The following SEPTIN4 variants were observed in gnomAD, a reference collection of about 807,000 sequenced individuals.
SEPTIN4 encodes the protein septin-4.
Under a neutral mutation model 107.1 loss-of-function variants are expected in SEPTIN4, and 52 were observed. The observed-to-expected ratio is 0.49, with a 90% CI of 0.39 to 0.61. The LOEUF is 0.61. SEPTIN4 is among the 20% of genes least tolerant of loss of function. SEPTIN4 has a pLI of 0.00. For missense variants in SEPTIN4, 1,048 were observed against 1,243.5 expected, an observed-to-expected ratio of 0.84 and a Z score of 2.36; for synonymous variants, 417 against 467.0, an observed-to-expected ratio of 0.89 and a Z score of 1.38.
At chr17:58,540,743 A>T in intron 2 of SEPTIN4, 70 bp from the exon 3 acceptor site, 1 of 1,293,422 alleles carries the variant, frequency 7.7e-7, no homozygotes, top group Non-Finnish European at 9.8e-7. Context: ...TGCCAATAGG[A>T]GGAGAAAAAG....
chr17:58,525,591 A>G, intron 6 of SEPTIN4, 104 bp downstream of exon 6: 1 of 1,000,870 alleles, frequency 1.0e-6, no homozygotes, highest in South Asian at 1.4e-5. Context: ...TCTCTCTAGG[A>G]GGCCATGGTT....
intron 3 of SEPTIN4, among the ~76,000 whole-genome samples, chr17:58,536,018 C>T (rs2043697902): frequency 6.6e-6 from 1 of 152,188 alleles, no homozygotes; most frequent in African/African-American, 2.4e-5. Flanking sequence ...ACAGATGTTA[C>T]TCTCACTAAA....
At chr17:58,529,466 T>C (rs2043271561) in intron 3 of SEPTIN4, 4 of 1,320,998 alleles carry the variant, frequency 3.0e-6, no homozygotes, top group African/African-American at 1.5e-5. Context: ...CCTCCTCTGA[T>C]TGGCTGTCCC....
chr17:58,539,039 G>T, intron 3 of SEPTIN4: 1 of 995,216 alleles, frequency 1.0e-6, no homozygotes, highest in Non-Finnish European at 1.4e-6. Context: ...CATGCCGGCT[G>T]AGGGACAGGC....
rs1448587313 is a variant in SEPTIN4 at position 58,525,220 on chromosome 17, G to A, written c.2093-19C>T. The A allele has an allele frequency of 6.2e-7, 1 of 1,612,518 alleles. No individual in the cohort carries two copies. Among genetic ancestry groups the A allele is most frequent in the Non-Finnish European group, 8.5e-7 (1 of 1,179,880 alleles). ...ATCCTCTCTGGAGAAAGGGGAAACT[G>A]AGGCCAGGGCAAGGGCAGGGACCTG... On this transcript the variant is annotated intron_variant, in intron 6 of 13. Transcript: ENST00000672673.
intron 3 of SEPTIN4, chr17:58,539,179 G>A: frequency 4.6e-6 from 7 of 1,534,392 alleles, no homozygotes; most frequent in Non-Finnish European, 6.1e-6. Flanking sequence ...CTTCTGGGGA[G>A]CAGCTCTGCT....
intron 4 of SEPTIN4, 25 bp from the exon 5 acceptor site, chr17:58,526,338 A>G (rs768534828): frequency 1.6e-5 from 24 of 1,517,152 alleles, no homozygotes; most frequent in Non-Finnish European, 1.9e-5. Flanking sequence ...GGCAGAATGC[A>G]TCACGGTGAG....
At chr17:58,542,257 G>T (rs1024804140) in intron 1 of SEPTIN4, among the ~76,000 whole-genome samples, 2 of 152,012 alleles carry the variant, frequency 1.3e-5, no homozygotes, top group African/African-American at 4.8e-5. Context: ...ATTTACCTGA[G>T]GCCCTTATTC....
chr17:58,524,860 T>C (rs1390125225), intron 7 of SEPTIN4: 1 of 578,090 alleles, frequency 1.7e-6, no homozygotes, highest in Non-Finnish European at 3.0e-6. Context: ...TATAGAATCA[T>C]AGGGCAGAAT....
At position 58,521,602 on chromosome 17, in the gene SEPTIN4, G is replaced by A; in HGVS notation, c.2514C>T (p.Phe838=). 6.2e-7 allele frequency: 1 copy of A among 1,614,210 alleles called. No individual in the cohort carries two copies. Among genetic ancestry groups the A allele is most frequent in the Non-Finnish European group, 8.5e-7 (1 of 1,180,038 alleles). ...IEHFGIKIYQ[F]PDCDSDEDED... is the part of the protein sequence containing the mutation. ...CATCCTCATCAGAGTCACAGTCTGG[G>A]AATTGATAGATCTTGATTCCAAAAT... Residue 838 remains phenylalanine (F), a synonymous_variant, in exon 10 of 14, where the codon TTC becomes TTT. Transcript: ENST00000672673. The surrounding 1 kb of genome is among the most constrained non-coding windows in gnomAD (Gnocchi z 6.4).
At chr17:58,539,051 G>T in intron 3 of SEPTIN4, 1 of 1,142,938 alleles carries the variant, frequency 8.7e-7, no homozygotes, top group South Asian at 1.5e-5. Flanking sequence ...GGGACAGGCC[G>T]GGGAGAGCCT....
chr17:58,539,338 C>T (rs1196249196), intron 3 of SEPTIN4: 2 of 549,074 alleles, frequency 3.6e-6, no homozygotes, highest in Non-Finnish European at 6.4e-6. Context: ...CAGGGAGGAG[C>T]CTGCTCAGTC....
rs774961665 is a variant in SEPTIN4, at chr17:58,543,982, G to C, written c.205C>G (p.Arg69Gly). 6.2e-7 allele frequency: 1 copy of C among 1,613,980 alleles called. No homozygotes were observed. Among genetic ancestry groups the C allele is most frequent in the South Asian group, 1.1e-5 (1 of 91,070 alleles). Residue 69 changes from arginine (R) to glycine (G), a missense_variant, in exon 1 of 14, where the codon CGA (arginine) becomes GGA (glycine). Around this residue, in one of 2 missense-constraint regions of SEPTIN4, gnomAD observed 787 missense variants for 871.8 expected, o/e 0.90. Transcript: ENST00000672673. Reference protein sequence around the residue: ...TTPHSASDYPRSVSLQSGPGH... With the variant: ...TTPHSASDYPGSVSLQSGPGH... ...GGTCCTGACTGGAGGGAGACAGATC[G>C]AGGGTAGTCTGATGCTGAATGGGGA...
chr17:58,522,145 C>A, intron 7 of SEPTIN4, 44 bp from the exon 8 acceptor site: 1 of 1,610,736 alleles, frequency 6.2e-7, no homozygotes, highest in Non-Finnish European at 8.5e-7. Context: ...AGAGTGGGAG[C>A]CACCTAGTGA....
chr17:58,532,105 G>T, intron 3 of SEPTIN4: 1 of 1,063,882 alleles, frequency 9.4e-7, no homozygotes. Flanking sequence ...CGGCGGCGGG[G>T]GCGGAGCGAG....
intron 4 of SEPTIN4, 123 bp downstream of exon 4, chr17:58,526,559 T>TACACACACAA (rs2042898725): frequency 7.6e-7 from 1 of 1,312,090 alleles, no homozygotes; most frequent in African/African-American, 2.9e-5. Flanking sequence ...AGGTCCCAGA[T>TACACACACAA]ACACACACAC....
At position 58,521,042 on chromosome 17, in the gene SEPTIN4, G is replaced by A; in HGVS notation, c.2787C>T (p.Cys929=). 6.2e-7 allele frequency: 1 copy of A among 1,614,200 alleles called. No individual in the cohort carries two copies. The highest frequency in any genetic ancestry group is 1.7e-4 in the Middle Eastern group (1 of 6,058). The change falls in exon 12 of 14, where the codon TGC becomes TGT. Residue 929 remains cysteine, a synonymous_variant. Coordinates refer to ENST00000672673, the MANE Select transcript of SEPTIN4 (RefSeq NM_001368771.2). The surrounding 1 kb of genome is among the most constrained non-coding windows in gnomAD (Gnocchi z 6.4). ...CCACCAGGCGGGTCATGCTCTGGAT[G>A]CACTGTGCCCGGTAGTTCTCATAAT... ...ETHYENYRAQ[C]IQSMTRLVVK...
intron 3 of SEPTIN4, among the ~76,000 whole-genome samples, chr17:58,537,138 G>A (rs187575844): frequency 9.8e-5 from 15 of 152,368 alleles, no homozygotes; most frequent in African/African-American, 2.9e-4. Context: ...TATCAAGTCT[G>A]AGAGAAAAGC....
Position 58,532,766 on chromosome 17 carries a change from G to A in SEPTIN4, c.1615-5788C>T, listed in dbSNP as rs369902589. 9.7e-4 allele frequency among the ~76,000 whole-genome samples: 148 copies of A among 152,288 alleles called. 2 individuals are homozygous for A. In the South Asian group the frequency reaches 0.027, roughly 27 times the overall value. ...CCAACCCAGGCGTGACCCAGGCCCA[G>A]CTGGGCCACTCTTCCTCTGACAAGC... On this transcript the variant is annotated intron_variant, in intron 3 of 13. Transcript: ENST00000672673.
Sources: gnomAD v4.1 joint callset for allele counts (sites outside exome capture counted in the v4.1 genomes callset) on GRCh38, gnomAD v4.1.1 for gene constraint, gnomAD v4.1.1 regional missense constraint, Gnocchi (gnomAD v3.1) non-coding constraint, MANE v1.5 for transcripts, NCBI Gene and HGNC (gene_info 2026-07-23, HGNC 2026-07-21) for gene names.